C1GALT1C1L: variants seen among roughly 807,000 people sequenced by gnomAD.
C1GALT1C1L encodes the protein C1GALT1-specific chaperone 1-like protein.
C1GALT1C1L carries 1 observed loss-of-function variant against 0.5 expected under a neutral mutation model. The observed-to-expected ratio is 2.11, with a 90% CI of 0.75 to 10.02. The LOEUF is 10.02. C1GALT1C1L is among the 30% of genes most tolerant of loss of function. C1GALT1C1L has a pLI of 0.13. For synonymous variants in C1GALT1C1L, 148 were observed against 132.6 expected, an observed-to-expected ratio of 1.12 and a Z score of -0.80; for missense variants, 444 against 375.5, an observed-to-expected ratio of 1.18 and a Z score of -1.51.
At position 43,675,309 on chromosome 2, in the gene C1GALT1C1L, A is replaced by C. The variant is rs186987668; in HGVS notation, c.*66T>G. ...AGTACGTATTTTACACTTACACTGTATCAGAATTTGGACTAGCCACATTTC... is the reference window on the plus strand; with the variant it reads ...AGTACGTATTTTACACTTACACTGTCTCAGAATTTGGACTAGCCACATTTC... On this transcript the variant is annotated 3_prime_UTR_variant, in exon 1 of 1. Transcript: ENST00000475092. The C allele has an allele frequency of 3.2e-5, 34 of 1,070,046 alleles. No individual in the cohort carries two copies. The highest frequency in any genetic ancestry group is 4.5e-5 in the Non-Finnish European group (34 of 754,738). The allele number at this position is 1,070,046 out of a possible 1,614,324, so 66.3% of individuals were successfully genotyped here. A position where few individuals can be genotyped will look rare whatever the true frequency, so the allele number is the denominator to read the frequency against.
In C1GALT1C1L at chr2:43,675,339, G is replaced by T; in HGVS notation, c.*36C>A. Reference sequence around the variant, plus strand: ...AATTTGGACTAGCCACATTTCAAGTGCTCTTGGACAGCACAGGTCTATTAT... The same window carrying T: ...AATTTGGACTAGCCACATTTCAAGTTCTCTTGGACAGCACAGGTCTATTAT... On this transcript the variant is annotated 3_prime_UTR_variant, in exon 1 of 1. Transcript: ENST00000475092. The T allele has an allele frequency of 7.0e-7, 1 of 1,426,364 alleles. No individual in the cohort carries two copies. The highest frequency in any genetic ancestry group is 9.4e-7 in the Non-Finnish European group (1 of 1,066,444). 88.4% of individuals were successfully genotyped at this position (1,426,364 alleles called of 1,614,324 possible).
Position 43,675,821 on chromosome 2 carries a change from C to A in C1GALT1C1L, c.502G>T (p.Gly168Cys). 1 of 1,613,882 alleles carries A rather than the reference C, an allele frequency of 6.2e-7. No individual in the cohort carries two copies. Among genetic ancestry groups the A allele is most frequent in the Non-Finnish European group, 8.5e-7 (1 of 1,179,876 alleles). ...TRDASQPFYL[G>C]HTVIFGDLEY... ...AGGTCTCCAAATATAACAGTGTGGC[C>A]CAGATAGAAGGGCTGGGATGCATCC... The change falls in exon 1 of 1, where the codon GGC becomes TGC. Residue 168 changes from glycine to cysteine, a missense_variant. Coordinates refer to ENST00000475092, the MANE Select transcript of C1GALT1C1L (RefSeq NM_001101330.3).
chr2:43,675,482 G>C lies in C1GALT1C1L; in HGVS notation c.841C>G (p.Gln281Glu), dbSNP rs762385111. The C allele has an allele frequency of 1.2e-6, 2 of 1,613,902 alleles. No individual in the cohort carries two copies. The highest frequency in any genetic ancestry group is 1.7e-6 in the Non-Finnish European group (2 of 1,179,836). ...MAITFNGLTP[Q>E]KMEVMMYGLY... ...CCATACATCATTACTTCCATCTTTT[G>C]GGGGGTCAGTCCATTGAAAGTAATA... Residue 281 changes from glutamine to glutamate, a missense_variant, in exon 1 of 1, where the codon CAA becomes GAA. Transcript: ENST00000475092.
Position 43,675,573 on chromosome 2 carries a change from C to A in C1GALT1C1L, c.750G>T (p.Gln250His). The change falls in exon 1 of 1, where the codon CAG becomes CAT. Residue 250 changes from glutamine (Q) to histidine (H), a missense_variant. By Grantham distance (24) the Gln-to-His change is conservative. Transcript: ENST00000475092. ...RDVFNTKPIA[Q>H]LIEEALSNNP... ...TATTAGACAATGCCTCTTCAATAAG[C>A]TGTGCGATTGGTTTTGTATTAAATA... 1 of 1,613,674 alleles carries A rather than the reference C, an allele frequency of 6.2e-7. No homozygotes were observed. The highest frequency in any genetic ancestry group is 1.3e-5 in the African/African-American group (1 of 75,066).
Position 43,675,636 on chromosome 2 carries a change from A to T in C1GALT1C1L, c.687T>A (p.Val229=). 1 of 1,613,878 alleles carries T rather than the reference A, an allele frequency of 6.2e-7. No individual in the cohort carries two copies. The highest frequency in any genetic ancestry group is 8.5e-7 in the Non-Finnish European group (1 of 1,179,868). ...CATAATCCTCTGCATTTTCTGCATG[A>T]ACTCCTGCATATTTCAGGCATATTG... is the stretch of plus-strand genomic sequence containing the variant. ...QLAICLKYAG[V]HAENAEDYEG... The change falls in exon 1 of 1, where the codon GTT becomes GTA. Residue 229 remains valine, a synonymous_variant. Coordinates refer to ENST00000475092, the MANE Select transcript of C1GALT1C1L (RefSeq NM_001101330.3).
At position 43,676,092 on chromosome 2, in the gene C1GALT1C1L, T is replaced by G; in HGVS notation, c.231A>C (p.Glu77Asp). Reference sequence around the variant, plus strand: ...CAGCCCAGTAACTCTCATCTTCGGATTCTCCAAAGATGATACAGAAAACAC... The same window carrying G: ...CAGCCCAGTAACTCTCATCTTCGGAGTCTCCAAAGATGATACAGAAAACAC... Reference protein sequence around the residue: ...SIRVFCIIFGESEDESYWAVL... With the variant: ...SIRVFCIIFGDSEDESYWAVL... The change falls in exon 1 of 1, where the codon GAA (glutamate) becomes GAC (aspartate). Residue 77 changes from glutamate (E) to aspartate (D), a missense_variant. Physicochemically the swap from Glu to Asp is conservative, Grantham distance 45 (BLOSUM62 2). Transcript: ENST00000475092. The G allele has an allele frequency of 6.2e-7, 1 of 1,613,806 alleles. No homozygotes were observed. The highest frequency in any genetic ancestry group is 8.5e-7 in the Non-Finnish European group (1 of 1,179,736).
In C1GALT1C1L at chr2:43,675,638, C is replaced by G. The variant is rs758735999; in HGVS notation, c.685G>C (p.Val229Leu). 1.1e-5 allele frequency: 18 copies of G among 1,613,850 alleles called. No individual in the cohort carries two copies. In the Admixed American group the frequency reaches 2.7e-4, roughly 24 times the overall value. ...QLAICLKYAG[V>L]HAENAEDYEG... Reference sequence around the variant, plus strand: ...TAATCCTCTGCATTTTCTGCATGAACTCCTGCATATTTCAGGCATATTGCC... The same window carrying G: ...TAATCCTCTGCATTTTCTGCATGAAGTCCTGCATATTTCAGGCATATTGCC... Residue 229 changes from valine to leucine, a missense_variant, in exon 1 of 1, where the codon GTT (valine) becomes CTT (leucine). By Grantham distance (32) the Val-to-Leu change is conservative. Coordinates refer to ENST00000475092, the MANE Select transcript of C1GALT1C1L (RefSeq NM_001101330.3).
Position 43,676,029 on chromosome 2 carries a change from T to A in C1GALT1C1L, c.294A>T (p.Ala98=). The A allele has an allele frequency of 1.2e-6, 2 of 1,614,042 alleles. No individual in the cohort carries two copies. The highest frequency in any genetic ancestry group is 1.7e-6 in the Non-Finnish European group (2 of 1,179,896). The change falls in exon 1 of 1, where the codon GCA becomes GCT. Residue 98 remains alanine, a synonymous_variant. Transcript: ENST00000475092. ...TATCATTTTTAGTATCGTAGAGCTCTGCTTTGTCACAGTGTTTGGTCCAGG... is the reference window on the plus strand; with the variant it reads ...TATCATTTTTAGTATCGTAGAGCTCAGCTTTGTCACAGTGTTTGGTCCAGG... The part of the protein sequence containing the change: ...KETWTKHCDK[A]ELYDTKNDNL...
chr2:43,676,243 C>G lies in C1GALT1C1L; in HGVS notation c.80G>C (p.Gly27Ala). The change falls in exon 1 of 1, where the codon GGC becomes GCC. Residue 27 changes from glycine to alanine, a missense_variant. Physicochemically the swap from Gly to Ala is moderately conservative, Grantham distance 60. Coordinates refer to ENST00000475092, the MANE Select transcript of C1GALT1C1L (RefSeq NM_001101330.3). ...ACCTCTGTGTCGAATGTGAATTTGG[C>G]CAAACATAGTTATCAAAACCCAGGA... ...SISWVLITMF[G>A]QIHIRHRGQT... is the part of the protein sequence containing the mutation. 2 of 1,613,872 alleles carry G rather than the reference C, an allele frequency of 1.2e-6. No homozygotes were observed. Among genetic ancestry groups the G allele is most frequent in the Non-Finnish European group, 1.7e-6 (2 of 1,179,862 alleles).
Position 43,675,226 on chromosome 2 carries a change from T to C in C1GALT1C1L, c.*149A>G, listed in dbSNP as rs1667684519. 4.1e-6 allele frequency: 2 copies of C among 484,386 alleles called. No homozygotes were observed. Among genetic ancestry groups the C allele is most frequent in the Non-Finnish European group, 7.1e-6 (2 of 282,264 alleles). 30.0% of individuals were successfully genotyped at this position (484,386 alleles called of 1,614,324 possible). On this transcript the variant is annotated 3_prime_UTR_variant, in exon 1 of 1. Coordinates refer to ENST00000475092, the MANE Select transcript of C1GALT1C1L (RefSeq NM_001101330.3). ...TCAATGTGGAGTCAATATGAAATAT[T>C]ACTGAGATGTTTTACATCTTCATAC...
chr2:43,675,752 A>G lies in C1GALT1C1L; in HGVS notation c.571T>C (p.Leu191=), dbSNP rs766269439. The stretch of plus-strand genomic sequence containing the variant: ...AGAAGTCTGTTAAGTCTTTTCATCA[A>G]CTCTCTGCTTAAGACAATCCCTCCT... ...VEGGIVLSRE[L]MKRLNRLLDN... is the part of the protein sequence containing the mutation. The change falls in exon 1 of 1, where the codon TTG becomes CTG. Residue 191 remains leucine (L), a synonymous_variant. Coordinates refer to ENST00000475092, the MANE Select transcript of C1GALT1C1L (RefSeq NM_001101330.3). 2.5e-6 allele frequency: 4 copies of G among 1,613,494 alleles called. No homozygotes were observed. In the Admixed American group the frequency reaches 6.7e-5, roughly 27 times the overall value.
Position 43,676,396 on chromosome 2 carries a change from G to A in C1GALT1C1L, c.-74C>T, listed in dbSNP as rs2104416401. On this transcript the variant is annotated 5_prime_UTR_variant, in exon 1 of 1. Transcript: ENST00000475092. ...GGGTCCTGGGGTCCCGCGCCTTCCG[G>A]AGCTGGCGGCTGCGCTCCCGGTTGG... is the stretch of plus-strand genomic sequence containing the variant. 1 of 1,285,142 alleles carries A rather than the reference G, an allele frequency of 7.8e-7. No individual in the cohort carries two copies. Among genetic ancestry groups the A allele is most frequent in the East Asian group, 2.4e-5 (1 of 42,184 alleles). 79.6% of individuals were successfully genotyped at this position (1,285,142 alleles called of 1,614,324 possible). A position where few individuals can be genotyped will look rare whatever the true frequency, so the allele number is the denominator to read the frequency against.
In C1GALT1C1L at chr2:43,675,490, A is replaced by T. The variant is rs1206787945; in HGVS notation, c.833T>A (p.Leu278Gln). ...CSDMAITFNG[L>Q]TPQKMEVMMY... ...CATTACTTCCATCTTTTGGGGGGTC[A>T]GTCCATTGAAAGTAATAGCCATATC... Residue 278 changes from leucine to glutamine, a missense_variant, in exon 1 of 1, where the codon CTG (leucine) becomes CAG (glutamine). Transcript: ENST00000475092. 6.2e-7 allele frequency: 1 copy of T among 1,614,010 alleles called. No homozygotes were observed. The highest frequency in any genetic ancestry group is 8.5e-7 in the Non-Finnish European group (1 of 1,179,886).
rs919978569 is a variant in C1GALT1C1L, at chr2:43,675,252, T to C, written c.*123A>G. On this transcript the variant is annotated 3_prime_UTR_variant, in exon 1 of 1. Transcript: ENST00000475092. ...ACTGAGATGTTTTACATCTTCATAC[T>C]GTTTTCTAATAATATATGAATTATT... 1 of 567,546 alleles carries C rather than the reference T, an allele frequency of 1.8e-6. No individual in the cohort carries two copies. The highest frequency in any genetic ancestry group is 1.9e-5 in the African/African-American group (1 of 53,018). The allele number at this position is 567,546 out of a possible 1,614,324, so 35.2% of individuals were successfully genotyped here.
In C1GALT1C1L at chr2:43,676,333, T is replaced by C. The variant is rs888660301; in HGVS notation, c.-11A>G. 3.2e-6 allele frequency: 5 copies of C among 1,587,026 alleles called. No homozygotes were observed. Among genetic ancestry groups the C allele is most frequent in the Non-Finnish European group, 4.3e-6 (5 of 1,166,332 alleles). On this transcript the variant is annotated 5_prime_UTR_variant, in exon 1 of 1. Transcript: ENST00000475092. ...ACTAGCGGAAACCATTTTCCAGGCG[T>C]TAGGACAGTGTGCCAGGGTCAAAGG...
chr2:43,676,319 C>G lies in C1GALT1C1L; in HGVS notation c.4G>C (p.Val2Leu), dbSNP rs879229191. 6.2e-7 allele frequency: 1 copy of G among 1,603,526 alleles called. No homozygotes were observed. MVSASGTSFFKG... is the reference protein window; with the variant it reads MLSASGTSFFKG... Reference sequence around the variant, plus strand: ...AAAAATGATGTCCCACTAGCGGAAACCATTTTCCAGGCGTTAGGACAGTGT... The same window carrying G: ...AAAAATGATGTCCCACTAGCGGAAAGCATTTTCCAGGCGTTAGGACAGTGT... Residue 2 changes from valine to leucine, a missense_variant, in exon 1 of 1, where the codon GTT becomes CTT. Coordinates refer to ENST00000475092, the MANE Select transcript of C1GALT1C1L (RefSeq NM_001101330.3).
In C1GALT1C1L at chr2:43,675,447, C is replaced by A; in HGVS notation, c.876G>T (p.Arg292=). 2.5e-6 allele frequency: 4 copies of A among 1,612,840 alleles called. No homozygotes were observed. The highest frequency in any genetic ancestry group is 3.4e-6 in the Non-Finnish European group (4 of 1,179,490). ...KMEVMMYGLY[R]LRAFGHYFND... ...TGAAATAGTGTCCAAATGCCCTGAG[C>A]CGGTACAGGCCATACATCATTACTT... is the stretch of plus-strand genomic sequence containing the variant. The change falls in exon 1 of 1, where the codon CGG becomes CGT. Residue 292 remains arginine (R), a synonymous_variant. Coordinates refer to ENST00000475092, the MANE Select transcript of C1GALT1C1L (RefSeq NM_001101330.3).
In C1GALT1C1L at chr2:43,676,367, G is replaced by C. The variant is rs115406269; in HGVS notation, c.-45C>G. 2,767 of 1,493,652 alleles carry C rather than the reference G, an allele frequency of 1.9e-3. 61 individuals carry two copies. The African/African-American group carries it at 0.035, about 19-fold the overall frequency. The allele number at this position is 1,493,652 out of a possible 1,614,324, so 92.5% of individuals were successfully genotyped here. On this transcript the variant is annotated 5_prime_UTR_variant, in exon 1 of 1. Transcript: ENST00000475092. ...TGTGCCAGGGTCAAAGGCAGCCTGGGACCGGGTCCTGGGGTCCCGCGCCTT... is the reference window on the plus strand; with the variant it reads ...TGTGCCAGGGTCAAAGGCAGCCTGGCACCGGGTCCTGGGGTCCCGCGCCTT...
chr2:43,676,185 A>G lies in C1GALT1C1L; in HGVS notation c.138T>C (p.Arg46=). The G allele has an allele frequency of 1.2e-6, 2 of 1,614,032 alleles. No homozygotes were observed. Among genetic ancestry groups the G allele is most frequent in the Non-Finnish European group, 8.5e-7 (1 of 1,179,896 alleles). ...QTQDHEHHHL[R]PPNRNDFLNT... Reference sequence around the variant, plus strand: ...TTAAGAAATCGTTCCTGTTAGGTGGACGAAGGTGATGGTGCTCGTGGTCTT... The same window carrying G: ...TTAAGAAATCGTTCCTGTTAGGTGGGCGAAGGTGATGGTGCTCGTGGTCTT... The change falls in exon 1 of 1, where the codon CGT becomes CGC. Residue 46 remains arginine (R), a synonymous_variant. Coordinates refer to ENST00000475092, the MANE Select transcript of C1GALT1C1L (RefSeq NM_001101330.3).
Sources: allele counts gnomAD v4.1 joint callset, GRCh38; gene constraint gnomAD v4.1.1; transcripts MANE v1.5; gene names NCBI Gene and HGNC (gene_info 2026-07-23, HGNC 2026-07-21).